CDC73: variants seen among roughly 807,000 people sequenced by gnomAD.
CDC73 encodes the protein parafibromin.
Under a neutral mutation model 83.7 loss-of-function variants are expected in CDC73, and 21 were observed. That is an observed-to-expected ratio of 0.25 (90% CI 0.18 to 0.36). The LOEUF (loss-of-function observed/expected upper bound fraction) is 0.36, where lower values mean the gene tolerates loss of function less well. Among genes scored for constraint, CDC73 ranks in the 10% least tolerant of loss-of-function variants. The probability of loss-of-function intolerance (pLI) is 1.00; values close to 1 mark genes in which losing one functional copy is unlikely to be tolerated. For missense variants in CDC73, 342 were observed against 653.3 expected (o/e 0.52, Z 5.19); for synonymous variants, 224 against 212.9 (o/e 1.05, Z -0.45).
At chr1:193,242,452 G>A (rs1327709510) in intron 15 of CDC73, among the ~76,000 whole-genome samples, 1 of 152,118 alleles carries the variant, frequency 6.6e-6, no homozygotes, top group Non-Finnish European at 1.5e-5. Flanking sequence ...CCTTGCCTTA[G>A]GTGTTTCTGC....
intron 11 of CDC73, among the ~76,000 whole-genome samples, chr1:193,207,089 G>A (rs1026851298): frequency 1.3e-5 from 2 of 152,120 alleles, no homozygotes; most frequent in Admixed American, 6.6e-5. Context: ...TACAAAGAGA[G>A]GAATTTTACA....
intron 11 of CDC73, among the ~76,000 whole-genome samples, chr1:193,209,492 A>G (rs1677242199): frequency 6.6e-6 from 1 of 152,222 alleles, no homozygotes; most frequent in Admixed American, 6.5e-5. Flanking sequence ...AAATAAGGAT[A>G]TGAACTAAAA....
At chr1:193,181,287 C>A (rs775932344) in intron 10 of CDC73, 10 of 1,614,070 alleles carry the variant, frequency 6.2e-6, no homozygotes, top group Non-Finnish European at 8.5e-6. Context: ...CTGTTTGAGG[C>A]CTCAGGGTTT....
intron 5 of CDC73, among the ~76,000 whole-genome samples, chr1:193,135,961 G>A (rs138578659): frequency 2.0e-5 from 3 of 150,254 alleles, no homozygotes; most frequent in East Asian, 2.0e-4. Flanking sequence ...CTCGACCTCC[G>A]GGGTTTAAGT....
chr1:193,211,362 A>G (rs374679141), intron 11 of CDC73, among the ~76,000 whole-genome samples: 1 of 152,178 alleles, frequency 6.6e-6, no homozygotes, highest in South Asian at 2.1e-4. Flanking sequence ...AGTTACACGG[A>G]TGGTAGATTC....
intron 1 of CDC73, among the ~76,000 whole-genome samples, chr1:193,123,389 G>A (rs1165200077): frequency 1.3e-5 from 2 of 152,054 alleles, no homozygotes; most frequent in East Asian, 3.9e-4. Flanking sequence ...CACCATGGCC[G>A]GCTAATTTAT....
At chr1:193,201,079 A>G (rs1677083005) in intron 10 of CDC73, among the ~76,000 whole-genome samples, 1 of 82,468 alleles carries the variant, frequency 1.2e-5, no homozygotes, top group South Asian at 5.6e-4. Context: ...AACTCTTTGT[A>G]TGTGTATTGG....
At chr1:193,162,812 T>A (rs1035439419) in intron 10 of CDC73, among the ~76,000 whole-genome samples, 3 of 152,212 alleles carry the variant, frequency 2.0e-5, no homozygotes. Context: ...TTTTCTACAG[T>A]GTCTTTTTGT....
intron 13 of CDC73, among the ~76,000 whole-genome samples, chr1:193,224,122 C>A (rs1677519228): frequency 6.6e-6 from 1 of 151,866 alleles, no homozygotes; most frequent in Non-Finnish European, 1.5e-5. Flanking sequence ...TTTCTGTACC[C>A]ATTAATCAAC....
At chr1:193,124,604 A>G (rs1205018136) in intron 1 of CDC73, among the ~76,000 whole-genome samples, 2 of 152,226 alleles carry the variant, frequency 1.3e-5, no homozygotes, top group Non-Finnish European at 1.5e-5. Flanking sequence ...TTGGTTTTAC[A>G]TTATTGGTCT....
chr1:193,170,220 T>C (rs979634598), intron 10 of CDC73, among the ~76,000 whole-genome samples: 1 of 152,200 alleles, frequency 6.6e-6, no homozygotes, highest in Non-Finnish European at 1.5e-5. Context: ...GTTGATTCCA[T>C]GTCTTTGCTA....
intron 10 of CDC73, chr1:193,181,254 G>GT: frequency 6.2e-7 from 1 of 1,614,072 alleles, no homozygotes; most frequent in Non-Finnish European, 8.5e-7. Flanking sequence ...GTGGTGACAG[G>GT]TCTGTGTTAT....
chr1:193,177,358 C>CAAAAAAAAAA (rs10672869), intron 10 of CDC73, among the ~76,000 whole-genome samples: 15 of 69,538 alleles, frequency 2.2e-4, no homozygotes, highest in Admixed American at 6.0e-4. Context: ...ACTAAAAATA[C>CAAAAAAAAAA]AAAAAAAAAA....
chr1:193,243,453 AT>A (rs1475809597), intron 15 of CDC73, among the ~76,000 whole-genome samples: 1 of 152,208 alleles, frequency 6.6e-6, no homozygotes. Flanking sequence ...AAAGTTGTCT[AT>A]TCTGGTGGAA....
At chr1:193,209,887 C>T (rs925381557) in intron 11 of CDC73, among the ~76,000 whole-genome samples, 4 of 152,096 alleles carry the variant, frequency 2.6e-5, no homozygotes, top group Admixed American at 6.5e-5. Context: ...TCCCCCCTCT[C>T]TGCCTTCCTT....
chr1:193,130,948 A>G (rs1296669699), intron 3 of CDC73, among the ~76,000 whole-genome samples: 2 of 151,564 alleles, frequency 1.3e-5, no homozygotes, highest in East Asian at 1.9e-4. Flanking sequence ...TCTGTACCTG[A>G]CCTCTAATTC....
At chr1:193,219,436 G>A (rs947461699) in intron 13 of CDC73, among the ~76,000 whole-genome samples, 1 of 152,126 alleles carries the variant, frequency 6.6e-6, no homozygotes, top group Non-Finnish European at 1.5e-5. Flanking sequence ...AAAGACACAT[G>A]CACTCTTTAA....
chr1:193,250,729 AT>A lies in CDC73; in HGVS notation c.*20del. ...AGATTCTGAATTATTTGGCTCCTCCATTTCTGGAAATTGAGACTCAAGCTTT... is the reference window on the plus strand; with the variant it reads ...AGATTCTGAATTATTTGGCTCCTCCATTCTGGAAATTGAGACTCAAGCTTT... On this transcript the variant is annotated 3_prime_UTR_variant, in exon 17 of 17. Coordinates refer to ENST00000367435, the MANE Select transcript of CDC73 (RefSeq NM_024529.5). 2 of 1,598,278 alleles carry A rather than the reference AT, an allele frequency of 1.3e-6. No homozygotes were observed. Among genetic ancestry groups the A allele is most frequent in the Non-Finnish European group, 1.7e-6 (2 of 1,166,348 alleles).
chr1:193,180,247 T>A, intron 10 of CDC73: 3 of 1,490,102 alleles, frequency 2.0e-6, no homozygotes, highest in Non-Finnish European at 2.7e-6. Context: ...CTATACATGC[T>A]TTTAGCAATA....
Sources: allele counts gnomAD v4.1 joint callset (sites outside exome capture counted in the v4.1 genomes callset), GRCh38; gene constraint gnomAD v4.1.1; transcripts MANE v1.5; gene names NCBI Gene and HGNC (gene_info 2026-07-23, HGNC 2026-07-21).